The following FARS2 variants were observed in gnomAD, a reference collection of about 807,000 sequenced individuals.
The protein encoded by FARS2 is phenylalanyl-tRNA synthetase 2, mitochondrial.
A neutral mutation model predicts 46.4 loss-of-function variants in FARS2; 40 were observed. The observed-to-expected ratio is 0.86, with a 90% confidence interval of 0.67 to 1.12. The LOEUF is 1.12. Among genes scored for constraint, FARS2 ranks in the 50% most tolerant of loss-of-function variants. The pLI is 0.00. For missense variants in FARS2, 513 were observed against 567.9 expected (o/e 0.90, Z 0.98); for synonymous variants, 234 against 214.9 (o/e 1.09, Z -0.78).
chr6:5,659,041 G>T lies in FARS2; in HGVS notation c.1217+45721G>T, dbSNP rs137874967. ...TGCCCAGTGCCCGCGTTGGACTACAGTTGTTCCTTTACCATTCTTAGCAGT... is the reference window on the plus strand; with the variant it reads ...TGCCCAGTGCCCGCGTTGGACTACATTTGTTCCTTTACCATTCTTAGCAGT... On this transcript the variant is annotated intron_variant, in intron 6 of 6. Coordinates refer to ENST00000274680, the MANE Select transcript of FARS2 (RefSeq NM_006567.5). 5.3e-3 allele frequency among the ~76,000 whole-genome samples: 802 copies of T among 152,308 alleles called. 3 individuals carry two copies. Among genetic ancestry groups the T allele is most frequent in the Non-Finnish European group, 9.5e-3 (645 of 68,026 alleles).
chr6:5,568,226 G>C (rs552852484), intron 5 of FARS2, among the ~76,000 whole-genome samples: 1 of 151,990 alleles, frequency 6.6e-6, no homozygotes, highest in Admixed American at 6.6e-5. Context: ...TCTGATTCAC[G>C]TTCAACTGTC....
intron 1 of FARS2, among the ~76,000 whole-genome samples, chr6:5,298,767 G>A (rs941087447): frequency 6.7e-6 from 1 of 149,110 alleles, no homozygotes; most frequent in Non-Finnish European, 1.5e-5. Context: ...GATTTTTACT[G>A]TCAAAAAATA....
At chr6:5,547,824 C>T (rs1771126667) in intron 5 of FARS2, among the ~76,000 whole-genome samples, 1 of 152,234 alleles carries the variant, frequency 6.6e-6, no homozygotes, top group African/African-American at 2.4e-5. Context: ...ACTCACGCCC[C>T]AGTGGCGACA....
At position 5,721,843 on chromosome 6, in the gene FARS2, T is replaced by C. The variant is rs185650568; in HGVS notation, c.1218-49448T>C. Among the ~76,000 whole-genome samples the C allele has an allele frequency of 1.4e-3, 211 of 152,352 alleles. 1 individual carries two copies. The highest frequency in any genetic ancestry group is 4.6e-3 in the African/African-American group (191 of 41,584). On this transcript the variant is annotated intron_variant, in intron 6 of 6. Coordinates refer to ENST00000274680, the MANE Select transcript of FARS2 (RefSeq NM_006567.5). ...CAGTACTTCTTCCATGTAAAAATAATGTTCCATGAAAAAGAGTTGCTGGTT... is the reference window on the plus strand; with the variant it reads ...CAGTACTTCTTCCATGTAAAAATAACGTTCCATGAAAAAGAGTTGCTGGTT...
chr6:5,612,934 T>C (rs1775267415), intron 5 of FARS2, among the ~76,000 whole-genome samples: 2 of 152,172 alleles, frequency 1.3e-5, no homozygotes, highest in South Asian at 4.1e-4. Context: ...AATATAAATA[T>C]AATATATGGT....
chr6:5,332,079 C>T (rs779872640), intron 1 of FARS2, among the ~76,000 whole-genome samples: 1 of 152,064 alleles, frequency 6.6e-6, no homozygotes, highest in South Asian at 2.1e-4. Flanking sequence ...GAAACTAAAT[C>T]CCTGAGAGGT....
intron 3 of FARS2, among the ~76,000 whole-genome samples, chr6:5,408,964 G>A (rs1478097793): frequency 6.6e-6 from 1 of 152,156 alleles, no homozygotes; most frequent in African/African-American, 2.4e-5. Context: ...TGTCCAAGGT[G>A]TTTCAGGATA....
At chr6:5,712,424 A>G (rs1305025870) in intron 6 of FARS2, among the ~76,000 whole-genome samples, 2 of 152,250 alleles carry the variant, frequency 1.3e-5, no homozygotes, top group Non-Finnish European at 1.5e-5. Flanking sequence ...GCAAGTGTCC[A>G]TGAGGGAGTG....
At chr6:5,732,185 C>T (rs1760670388) in intron 6 of FARS2, among the ~76,000 whole-genome samples, 1 of 152,190 alleles carries the variant, frequency 6.6e-6, no homozygotes, top group African/African-American at 2.4e-5. Context: ...ATGCTGGGGA[C>T]ACAAAAGTGA....
At chr6:5,509,915 ATACAT>A (rs1268422952) in intron 4 of FARS2, among the ~76,000 whole-genome samples, 1 of 152,200 alleles carries the variant, frequency 6.6e-6, no homozygotes, top group Non-Finnish European at 1.5e-5. Context: ...CTTACTCAAA[ATACAT>A]TATGTCGCCC....
At chr6:5,269,104 A>G (rs1765760282) in intron 1 of FARS2, among the ~76,000 whole-genome samples, 1 of 152,208 alleles carries the variant, frequency 6.6e-6, no homozygotes. Context: ...TCCATCAATG[A>G]TAGACTGGAT....
chr6:5,303,906 AC>A (rs113591816), intron 1 of FARS2, among the ~76,000 whole-genome samples: 8,202 of 152,016 alleles, frequency 0.054, 716 homozygotes, highest in African/African-American at 0.18. Flanking sequence ...GCAATCATTG[AC>A]CAAGTACGCA....
intron 5 of FARS2, among the ~76,000 whole-genome samples, chr6:5,573,246 ACT>A (rs1411138453): frequency 7.9e-5 from 12 of 151,914 alleles, no homozygotes; most frequent in African/African-American, 2.7e-4. Context: ...TATAGCCATG[ACT>A]CTGTTCAATT....
chr6:5,409,393 G>A (rs1236983196), intron 3 of FARS2, among the ~76,000 whole-genome samples: 1 of 152,054 alleles, frequency 6.6e-6, no homozygotes, highest in Non-Finnish European at 1.5e-5. Context: ...GGAGGTTGCA[G>A]TGAGCCAAGA....
At chr6:5,600,218 A>G (rs548625998) in intron 5 of FARS2, among the ~76,000 whole-genome samples, 31 of 152,378 alleles carry the variant, frequency 2.0e-4, no homozygotes, top group African/African-American at 7.0e-4. Context: ...TGATTGTTCC[A>G]TATGATTTCA....
chr6:5,369,132 T>A lies in FARS2; in HGVS notation c.562T>A (p.Tyr188Asn). 6.2e-7 allele frequency: 1 copy of A among 1,612,414 alleles called. No individual in the cohort carries two copies. The highest frequency in any genetic ancestry group is 1.7e-5 in the Admixed American group (1 of 60,024). ...GCGTGACCAGATCGACTCCCAGCAC[T>A]ACCCTATTTTCCACCAGCTGGAGGC... ...YRRDQIDSQH[Y>N]PIFHQLEAVR... The change falls in exon 2 of 7, where the codon TAC becomes AAC. Residue 188 changes from tyrosine to asparagine, a missense_variant. Coordinates refer to ENST00000274680, the MANE Select transcript of FARS2 (RefSeq NM_006567.5).
At chr6:5,521,979 C>T (rs563253563) in intron 4 of FARS2, among the ~76,000 whole-genome samples, 1 of 152,056 alleles carries the variant, frequency 6.6e-6, no homozygotes, top group Non-Finnish European at 1.5e-5. Context: ...GAGTTTGGTC[C>T]CATTCAGAGG....
intron 4 of FARS2, among the ~76,000 whole-genome samples, chr6:5,431,413 G>T (rs2127768525): frequency 6.6e-6 from 1 of 152,324 alleles, no homozygotes; most frequent in Non-Finnish European, 1.5e-5. Flanking sequence ...GCACTTGGCT[G>T]CTGGATTTGT....
At chr6:5,709,697 T>TGTGTGTGTGTGCGC (rs148741094) in intron 6 of FARS2, among the ~76,000 whole-genome samples, 1 of 91,502 alleles carries the variant, frequency 1.1e-5, no homozygotes, top group South Asian at 3.2e-4. Context: ...TGTGTGTGTG[T>TGTGTGTGTGTGCGC]GCGCATGCAC....
Sources: allele counts gnomAD v4.1 joint callset (sites outside exome capture counted in the v4.1 genomes callset), GRCh38; gene constraint gnomAD v4.1.1; transcripts MANE v1.5; gene names NCBI Gene and HGNC (gene_info 2026-07-23, HGNC 2026-07-21).